SLIT3: variants seen among roughly 807,000 people sequenced by gnomAD.
The protein encoded by SLIT3 is slit guidance ligand 3, also known as slit homolog 3 protein.
SLIT3 carries 68 observed loss-of-function variants against 184.0 expected under a neutral mutation model. The observed-to-expected ratio is 0.37, with a 90% CI of 0.30 to 0.45. The LOEUF (loss-of-function observed/expected upper bound fraction) is 0.45, where lower values mean the gene tolerates loss of function less well. SLIT3 is among the 20% of genes least tolerant of loss of function. SLIT3 has a pLI of 1.00. For synonymous variants in SLIT3, 831 were observed against 828.6 expected (o/e 1.00, Z -0.05); for missense variants, 1,707 against 2,026.0 (o/e 0.84, Z 3.02).
chr5:168,836,637 T>A (rs1758062845), intron 6 of SLIT3, among the ~76,000 whole-genome samples: 1 of 152,170 alleles, frequency 6.6e-6, no homozygotes, highest in Non-Finnish European at 1.5e-5. Context: ...AAGTCTGAAT[T>A]CCAGTGCAGA....
At chr5:169,279,513 T>C (rs187720881) in intron 1 of SLIT3, among the ~76,000 whole-genome samples, 3 of 152,296 alleles carry the variant, frequency 2.0e-5, no homozygotes, top group East Asian at 3.9e-4. Flanking sequence ...CTTACATATA[T>C]TCCATATTAG....
intron 8 of SLIT3, among the ~76,000 whole-genome samples, chr5:168,807,656 C>T (rs1757016179): frequency 1.3e-5 from 2 of 152,140 alleles, no homozygotes; most frequent in Admixed American, 6.5e-5. Context: ...ATGAGGTCTG[C>T]AGATTGCCTC....
intron 5 of SLIT3, among the ~76,000 whole-genome samples, chr5:168,850,096 T>C (rs1277966746): frequency 6.6e-6 from 1 of 152,202 alleles, no homozygotes; most frequent in African/African-American, 2.4e-5. Context: ...TTATTTTAAC[T>C]GACAAAAGGA....
chr5:169,112,822 T>C (rs1760460022), intron 4 of SLIT3, among the ~76,000 whole-genome samples: 1 of 152,090 alleles, frequency 6.6e-6, no homozygotes, highest in Non-Finnish European at 1.5e-5. Context: ...GGTTTGGAAG[T>C]GCTTAGTTCC....
chr5:168,896,963 C>T (rs1012618883), intron 4 of SLIT3, among the ~76,000 whole-genome samples: 14 of 152,156 alleles, frequency 9.2e-5, no homozygotes, highest in African/African-American at 3.1e-4. Flanking sequence ...GGTCCAGAGC[C>T]GTGCAGGAAA....
At chr5:168,671,837 G>A (rs561980134) in intron 33 of SLIT3, among the ~76,000 whole-genome samples, 39 of 152,270 alleles carry the variant, frequency 2.6e-4, no homozygotes, top group Non-Finnish European at 4.4e-4. Flanking sequence ...ATAGGCAAGT[G>A]CACCAAATAA....
At chr5:168,674,143 A>T (rs1761337352) in intron 32 of SLIT3, among the ~76,000 whole-genome samples, 1 of 152,188 alleles carries the variant, frequency 6.6e-6, no homozygotes, top group South Asian at 2.1e-4. Context: ...CACCAGTGGT[A>T]TGCATGCCAC....
intron 4 of SLIT3, among the ~76,000 whole-genome samples, chr5:169,164,637 G>A (rs961228275): frequency 2.0e-5 from 3 of 152,188 alleles, no homozygotes; most frequent in Non-Finnish European, 2.9e-5. Flanking sequence ...CCTGGCAGTT[G>A]TTTGGTTTGG....
At chr5:168,725,786 C>T (rs1011188258) in intron 20 of SLIT3, among the ~76,000 whole-genome samples, 2 of 152,314 alleles carry the variant, frequency 1.3e-5, no homozygotes, top group Middle Eastern at 3.4e-3. Flanking sequence ...TGCTAGCACA[C>T]TACCTGGTGT....
chr5:168,818,724 A>T (rs1757423206), intron 7 of SLIT3, among the ~76,000 whole-genome samples: 1 of 152,232 alleles, frequency 6.6e-6, no homozygotes, highest in African/African-American at 2.4e-5. Flanking sequence ...AGAGAGCTGA[A>T]GGGCTCTTGA....
At chr5:168,668,900 C>T (rs1761143384) in intron 35 of SLIT3, among the ~76,000 whole-genome samples, 1 of 152,254 alleles carries the variant, frequency 6.6e-6, no homozygotes, top group African/African-American at 2.4e-5. Flanking sequence ...TCCAGCATAG[C>T]TGGGATTACA....
At chr5:169,146,009 C>A (rs950645787) in intron 4 of SLIT3, among the ~76,000 whole-genome samples, 1 of 152,182 alleles carries the variant, frequency 6.6e-6, no homozygotes, top group Non-Finnish European at 1.5e-5. Context: ...CGAGATCGCA[C>A]CACTCCACTC....
intron 4 of SLIT3, among the ~76,000 whole-genome samples, chr5:169,071,955 G>T (rs1047559649): frequency 3.9e-5 from 6 of 152,170 alleles, no homozygotes; most frequent in African/African-American, 1.2e-4. Flanking sequence ...GGTAACAAAA[G>T]CTCCCTTTGA....
At chr5:168,749,397 C>G (rs1444413166) in intron 19 of SLIT3, 75 bp downstream of exon 19, 1 of 1,545,174 alleles carries the variant, frequency 6.5e-7, no homozygotes, top group East Asian at 2.2e-5. Context: ...CAGGGAGTAT[C>G]TGATTGTGCA....
chr5:169,010,671 G>A (rs573662002), intron 4 of SLIT3, among the ~76,000 whole-genome samples: 16 of 152,262 alleles, frequency 1.1e-4, no homozygotes, highest in Non-Finnish European at 2.1e-4. Flanking sequence ...GGAGGCTGAG[G>A]TGGGCAGACT....
Position 169,263,330 on chromosome 5 carries a change from C to T in SLIT3, c.198-11871G>A, listed in dbSNP as rs556664853. Among the ~76,000 whole-genome samples, 8 of 152,086 alleles carry T rather than the reference C, an allele frequency of 5.3e-5. No individual in the cohort carries two copies. In the South Asian group the frequency reaches 1.7e-3, roughly 32 times the overall value. On this transcript the variant is annotated intron_variant, in intron 1 of 35. Transcript: ENST00000519560. ...TCCAGCCAGAGTGACAGAGCAAGAC[C>T]CTGTCTCTGAAAAATAATAAAAAGA... is the stretch of plus-strand genomic sequence containing the variant.
At chr5:168,931,358 G>A (rs573950673) in intron 4 of SLIT3, among the ~76,000 whole-genome samples, 1 of 152,276 alleles carries the variant, frequency 6.6e-6, no homozygotes, top group African/African-American at 2.4e-5. Context: ...ATAGTTGACT[G>A]ACTGATCTTT....
At chr5:169,202,667 G>A (rs1244348439) in intron 3 of SLIT3, among the ~76,000 whole-genome samples, 1 of 151,842 alleles carries the variant, frequency 6.6e-6, no homozygotes, top group African/African-American at 2.4e-5. Context: ...GGCTATGAGA[G>A]TCTCAGGAAA....
intron 3 of SLIT3, among the ~76,000 whole-genome samples, chr5:169,197,480 G>T (rs939450399): frequency 6.6e-6 from 1 of 152,268 alleles, no homozygotes; most frequent in South Asian, 2.1e-4. Context: ...ACAGGAAAAT[G>T]AACAGAATGA....
Sources: allele counts gnomAD v4.1 joint callset (sites outside exome capture counted in the v4.1 genomes callset), GRCh38; gene constraint gnomAD v4.1.1; transcripts MANE v1.5; gene names NCBI Gene and HGNC (gene_info 2026-07-23, HGNC 2026-07-21).